SLC41A3: variants seen among roughly 807,000 people sequenced by gnomAD.
The protein encoded by SLC41A3 is solute carrier family 41 member 3, also known as SLC41A1-like 2.
In SLC41A3, 44 loss-of-function variants were observed where a neutral mutation model predicts 45.4. The observed-to-expected ratio is 0.97, with a 90% confidence interval of 0.76 to 1.25. The LOEUF is 1.25. Among genes scored for constraint, SLC41A3 ranks in the 50% most tolerant of loss-of-function variants. The probability of loss-of-function intolerance (pLI) is 0.00; values close to 1 mark genes in which losing one functional copy is unlikely to be tolerated. For missense variants in SLC41A3, 550 were observed against 600.6 expected, an observed-to-expected ratio of 0.92 and a Z score of 0.88; for synonymous variants, 256 against 252.4, an observed-to-expected ratio of 1.01 and a Z score of -0.13.
chr3:126,044,153 C>T (rs1942788617), intron 3 of SLC41A3, among the ~76,000 whole-genome samples: 1 of 152,104 alleles, frequency 6.6e-6, no homozygotes, highest in Non-Finnish European at 1.5e-5. Flanking sequence ...GGTGGCTATG[C>T]TAATATGAGA....
intron 7 of SLC41A3, among the ~76,000 whole-genome samples, chr3:126,015,966 G>T (rs1940238047): frequency 6.6e-6 from 1 of 152,190 alleles, no homozygotes; most frequent in Admixed American, 6.5e-5. Flanking sequence ...AGAAAATGCT[G>T]CAGCCAGACC....
At chr3:126,062,395 T>G (rs1173732246) in intron 2 of SLC41A3, among the ~76,000 whole-genome samples, 2 of 152,212 alleles carry the variant, frequency 1.3e-5, no homozygotes, top group Non-Finnish European at 2.9e-5. Context: ...GGACACTAGA[T>G]ACCTTTTCCA....
At chr3:126,071,004 A>T (rs1018708695) in intron 1 of SLC41A3, among the ~76,000 whole-genome samples, 12 of 152,228 alleles carry the variant, frequency 7.9e-5, no homozygotes, top group Non-Finnish European at 1.3e-4. Flanking sequence ...AAGAAAAAAA[A>T]ATATAAAAGA....
intron 6 of SLC41A3, among the ~76,000 whole-genome samples, chr3:126,020,133 G>T (rs528680618): frequency 6.6e-6 from 1 of 152,202 alleles, no homozygotes; most frequent in South Asian, 2.1e-4. Context: ...GTACCTTCTG[G>T]AGCGGCAGCA....
At chr3:126,086,835 A>T (rs201990946), upstream of SLC41A3, among the ~76,000 whole-genome samples, 2 of 152,194 alleles carry the variant, frequency 1.3e-5, no homozygotes, top group African/African-American at 4.8e-5. Context: ...CTATGCATTT[A>T]TGTGTTGTGT....
At chr3:126,024,606 AATGAGAATAGCCCAC>A (rs1941186187) in intron 5 of SLC41A3, 1 of 152,340 alleles carries the variant, frequency 6.6e-6, no homozygotes, top group African/African-American at 2.4e-5. Flanking sequence ...GCCTGGTAGG[AATGAGAATAGCCCAC>A]ATGGGTAACC....
intron 3 of SLC41A3, among the ~76,000 whole-genome samples, chr3:126,036,398 T>G (rs1040681559): frequency 1.3e-5 from 2 of 152,176 alleles, no homozygotes; most frequent in Non-Finnish European, 2.9e-5. Context: ...AACAGTGAGT[T>G]TGGGGTGTAT....
chr3:126,092,825 A>C (rs1399936455), intron 1 of SLC41A3: 1 of 152,238 alleles, frequency 6.6e-6, no homozygotes, highest in African/African-American at 2.4e-5. Flanking sequence ...ATGAGGAAGA[A>C]GGAGAGTGTA....
At chr3:126,025,363 G>A (rs1224436663) in intron 5 of SLC41A3, 1 of 152,300 alleles carries the variant, frequency 6.6e-6, no homozygotes, top group African/African-American at 2.4e-5. Context: ...CAGACAGCAG[G>A]TGGGAACTAC....
intron 1 of SLC41A3, among the ~76,000 whole-genome samples, chr3:126,068,599 G>A (rs1297816135): frequency 6.6e-6 from 1 of 152,152 alleles, no homozygotes; most frequent in Non-Finnish European, 1.5e-5. Flanking sequence ...AAAGGCTCAA[G>A]GCATCCAGGA....
chr3:126,012,002 AC>A (rs1176252173), intron 9 of SLC41A3, among the ~76,000 whole-genome samples: 1 of 152,098 alleles, frequency 6.6e-6, no homozygotes, highest in East Asian at 1.9e-4. Flanking sequence ...TCCTTCCTCA[AC>A]TCCAAGGCTC....
intron 6 of SLC41A3, among the ~76,000 whole-genome samples, chr3:126,022,504 G>A (rs1940975131): frequency 6.6e-6 from 1 of 152,336 alleles, no homozygotes; most frequent in South Asian, 2.1e-4. Flanking sequence ...AGAACCCAGC[G>A]TGCAGCTCAG....
chr3:126,090,748 T>G (rs1945474574), intron 1 of SLC41A3, among the ~76,000 whole-genome samples: 1 of 152,244 alleles, frequency 6.6e-6, no homozygotes, highest in South Asian at 2.1e-4. Context: ...AATGCTCTGC[T>G]GCTGAAACTA....
intron 2 of SLC41A3, among the ~76,000 whole-genome samples, chr3:126,063,444 G>T (rs1269377398): frequency 6.6e-6 from 1 of 152,160 alleles, no homozygotes; most frequent in African/African-American, 2.4e-5. Flanking sequence ...TCTTAACCAG[G>T]AAGTCCCTGA....
chr3:126,049,038 C>T (rs769439287), intron 3 of SLC41A3, among the ~76,000 whole-genome samples: 2 of 151,924 alleles, frequency 1.3e-5, no homozygotes, highest in African/African-American at 2.4e-5. Flanking sequence ...CGGTGGCTCA[C>T]GCCTGTAATC....
intron 2 of SLC41A3, among the ~76,000 whole-genome samples, chr3:126,066,824 C>T (rs1273362634): frequency 6.6e-6 from 1 of 152,184 alleles, no homozygotes; most frequent in East Asian, 1.9e-4. Context: ...AGCTTGTTTA[C>T]TCATGCGGTC....
At chr3:126,057,947 G>A (rs986907625) in intron 2 of SLC41A3, 2 of 152,182 alleles carry the variant, frequency 1.3e-5, no homozygotes, top group African/African-American at 2.4e-5. Flanking sequence ...TGGAAGAGAC[G>A]CTGTGGTAGT....
intron 6 of SLC41A3, 85 bp from the exon 7 acceptor site, chr3:126,016,960 G>C: frequency 6.5e-7 from 1 of 1,546,904 alleles, no homozygotes; most frequent in Admixed American, 1.9e-5. Flanking sequence ...AATGAGAGGT[G>C]GGTGAGGACG....
At chr3:126,044,361 T>G (rs955812134) in intron 3 of SLC41A3, among the ~76,000 whole-genome samples, 1 of 152,206 alleles carries the variant, frequency 6.6e-6, no homozygotes, top group African/African-American at 2.4e-5. Flanking sequence ...CAATAATAGT[T>G]GGAGACTTCA....
Sources: allele counts gnomAD v4.1 joint callset (sites outside exome capture counted in the v4.1 genomes callset), GRCh38; gene constraint gnomAD v4.1.1; transcripts MANE v1.5; gene names NCBI Gene and HGNC (gene_info 2026-07-23, HGNC 2026-07-21).